Variants in TNK2 observed in about 807,000 individuals in gnomAD.
TNK2 encodes tyrosine kinase non receptor 2, also known as activated CDC42 kinase 1.
A neutral mutation model predicts 101.8 loss-of-function variants in TNK2; 83 were observed. The observed-to-expected ratio is 0.82, with a 90% CI of 0.68 to 0.98. The LOEUF is 0.98. TNK2 is among the 50% of genes least tolerant of loss of function. The pLI is 0.00. For synonymous variants in TNK2, 804 were observed against 633.0 expected, an observed-to-expected ratio of 1.27 and a Z score of -4.06; for missense variants, 1,665 against 1,483.2, an observed-to-expected ratio of 1.12 and a Z score of -2.01.
In TNK2 at chr3:195,877,006, G is replaced by A. The variant is rs143469229; in HGVS notation, c.1256+1247C>T. 1.3e-3 allele frequency among the ~76,000 whole-genome samples: 192 copies of A among 152,316 alleles called. 1 individual carries two copies. Among genetic ancestry groups the A allele is most frequent in the African/African-American group, 4.4e-3 (182 of 41,578 alleles). ...GGCCAGGCCCACGGCTTTCCAGCTC[G>A]TGGAGGTGGACACGGTCATGAGGCT... On this transcript the variant is annotated intron_variant, in intron 9 of 15. Coordinates refer to ENST00000672887, the MANE Select transcript of TNK2 (RefSeq NM_001382273.1).
chr3:195,867,645 C>T lies in TNK2; in HGVS notation c.2653G>A (p.Glu885Lys), dbSNP rs1156635783. The change falls in exon 13 of 16, where the codon GAG (glutamate) becomes AAG (lysine). Residue 885 changes from glutamate (E) to lysine (K), a missense_variant. Around this residue, in one of 3 missense-constraint regions of TNK2, gnomAD observed 1,136 missense variants for 894.9 expected, o/e 1.27. Coordinates refer to ENST00000672887, the MANE Select transcript of TNK2 (RefSeq NM_001382273.1). The part of the protein sequence containing the change: ...YLLPERPSYL[E>K]RYQRFLREAQ... ...TCACGCAGGAAGCGCTGGTAGCGCT[C>T]CAGGTAGGATGGTCGCTCGGGCAGC... The T allele has an allele frequency of 6.2e-7, 1 of 1,603,114 alleles. No homozygotes were observed. The highest frequency in any genetic ancestry group is 1.1e-5 in the South Asian group (1 of 91,006).
At position 195,887,140 on chromosome 3, in the gene TNK2, T is replaced by C. The variant is rs552827603; in HGVS notation, c.164-93A>G. 7 of 1,257,626 alleles carry C rather than the reference T, an allele frequency of 5.6e-6. No individual in the cohort carries two copies. The Admixed American group carries it at 1.3e-4, about 24-fold the overall frequency. The allele number at this position is 1,257,626 out of a possible 1,614,324, so 77.9% of individuals were successfully genotyped here. A position where few individuals can be genotyped will look rare whatever the true frequency, so the allele number is the denominator to read the frequency against. ...GTCCCCTTGGGGGTGAGCCTGTCAC[T>C]AGACACCGCCCACCCGATGATAGCA... is the stretch of plus-strand genomic sequence containing the variant. On this transcript the variant is annotated intron_variant, in intron 2 of 15. Transcript: ENST00000672887.
At position 195,885,902 on chromosome 3, in the gene TNK2, G is replaced by T. The variant is rs535669719; in HGVS notation, c.235-869C>A. The T allele has an allele frequency of 4.6e-5, 12 of 262,932 alleles. No individual in the cohort carries two copies. 16.3% of individuals were successfully genotyped at this position (262,932 alleles called of 1,614,324 possible). A position where few individuals can be genotyped will look rare whatever the true frequency, so the allele number is the denominator to read the frequency against. On this transcript the variant is annotated intron_variant, in intron 3 of 15. Coordinates refer to ENST00000672887, the MANE Select transcript of TNK2 (RefSeq NM_001382273.1). This position sits in a 1 kb window ranked among gnomAD's most constrained non-coding sequence, Gnocchi z 4.7. ...TGGATCCTTATCCGTCTGGGCTAGG[G>T]TGCCTCAAATCTGAGGGCCTCTTCT...
chr3:195,885,619 TGCTGGGAAGGG>T lies in TNK2; in HGVS notation c.235-597_235-587del. 1 of 1,285,152 alleles carries T rather than the reference TGCTGGGAAGGG, an allele frequency of 7.8e-7. No individual in the cohort carries two copies. 79.6% of individuals were successfully genotyped at this position (1,285,152 alleles called of 1,614,324 possible). A position where few individuals can be genotyped will look rare whatever the true frequency, so the allele number is the denominator to read the frequency against. On this transcript the variant is annotated intron_variant, in intron 3 of 15. Coordinates refer to ENST00000672887, the MANE Select transcript of TNK2 (RefSeq NM_001382273.1). This position sits in a 1 kb window ranked among gnomAD's most constrained non-coding sequence, Gnocchi z 4.7. ...GTGTGGTTCAGATGAAGCTAGTCCT[TGCTGGGAAGGG>T]GCCTGGGAAGACAGCTGGGTCTCTG...
At position 195,884,829 on chromosome 3, in the gene TNK2, C is replaced by T. The variant is rs138590895; in HGVS notation, c.439G>A (p.Ala147Thr). ...GAGCTCACCGTCTTCCCTGAGGGCG[C>T]GTCCCACTCGCCCCTGCGCACCACG... is the stretch of plus-strand genomic sequence containing the variant. ...FGVVRRGEWD[A>T]PSGKTVSVAV... Residue 147 changes from alanine to threonine, a missense_variant, in exon 4 of 16, where the codon GCG becomes ACG. Ala to Thr is a moderately conservative substitution (Grantham distance 58, BLOSUM62 0). Around this residue, in one of 3 missense-constraint regions of TNK2, gnomAD observed 490 missense variants for 522.5 expected, o/e 0.94. Transcript: ENST00000672887. The T allele has an allele frequency of 5.6e-5, 91 of 1,611,580 alleles. No individual in the cohort carries two copies. Among genetic ancestry groups the T allele is most frequent in the Non-Finnish European group, 7.4e-5 (87 of 1,179,696 alleles).
At chr3:195,894,493 G>A (rs574517817) in intron 1 of TNK2, 20 of 151,574 alleles carry the variant, frequency 1.3e-4, no homozygotes, top group African/African-American at 4.8e-4. Context: ...CCGGGTTCAA[G>A]TGATTCTCCT....
chr3:195,877,513 G>A (rs1415961044), intron 9 of TNK2, among the ~76,000 whole-genome samples: 1 of 152,164 alleles, frequency 6.6e-6, no homozygotes, highest in Admixed American at 6.5e-5. Flanking sequence ...CGAGCACAGG[G>A]GATTTCCTCC....
rs79719455 is a variant in TNK2, at chr3:195,900,135, T to C, written c.-19+8350A>G. Among the ~76,000 whole-genome samples the C allele has an allele frequency of 5.5e-3, 838 of 151,296 alleles. 6 individuals are homozygous for C. The highest frequency in any genetic ancestry group is 9.8e-3 in the Non-Finnish European group (665 of 67,758). On this transcript the variant is annotated intron_variant, in intron 1 of 15. Transcript: ENST00000672887. ...CCTCAGGCAGAGGGAGAGCCTGACA[T>C]TGGTCTTAAGGAAGGTGCCTTCTCA...
rs149552240 is a variant in TNK2, at chr3:195,900,093, G to A, written c.-19+8392C>T. On this transcript the variant is annotated intron_variant, in intron 1 of 15. Coordinates refer to ENST00000672887, the MANE Select transcript of TNK2 (RefSeq NM_001382273.1). Reference sequence around the variant, plus strand: ...GTCCCCCAAAGCCATCTCAGAACCAGAACAACTCAGCCAGTCCCTCAGGCA... The same window carrying A: ...GTCCCCCAAAGCCATCTCAGAACCAAAACAACTCAGCCAGTCCCTCAGGCA... 4.4e-3 allele frequency among the ~76,000 whole-genome samples: 670 copies of A among 152,256 alleles called. 2 individuals carry two copies. Among genetic ancestry groups the A allele is most frequent in the Non-Finnish European group, 7.3e-3 (496 of 68,004 alleles).
At position 195,867,701 on chromosome 3, in the gene TNK2, C is replaced by T; in HGVS notation, c.2597G>A (p.Gly866Asp). 1.2e-6 allele frequency: 2 copies of T among 1,607,892 alleles called. No individual in the cohort carries two copies. Among genetic ancestry groups the T allele is most frequent in the Non-Finnish European group, 1.7e-6 (2 of 1,178,368 alleles). Residue 866 changes from glycine to aspartate, a missense_variant, in exon 13 of 16, where the codon GGC becomes GAC. This residue lies in a region of TNK2 where 1,136 missense variants were observed against 894.9 expected (regional missense o/e 1.27). Coordinates refer to ENST00000672887, the MANE Select transcript of TNK2 (RefSeq NM_001382273.1). ...ATAGTGGGTGCTGCTGACCTTCTTG[C>T]CATCCCGGACGATGGGCAGGATGCA... is the stretch of plus-strand genomic sequence containing the variant. ...GPCILPIVRD[G>D]KKVSSTHYYL...
At position 195,882,285 on chromosome 3, in the gene TNK2, C is replaced by G. The variant is rs764003397; in HGVS notation, c.653G>C (p.Arg218Pro). Residue 218 changes from arginine (R) to proline (P), a missense_variant, in exon 6 of 16, where the codon CGT (arginine) becomes CCT (proline). Arg to Pro is a moderately radical substitution (Grantham distance 103). Around this residue, in one of 3 missense-constraint regions of TNK2, gnomAD observed 490 missense variants for 522.5 expected, o/e 0.94. Coordinates refer to ENST00000672887, the MANE Select transcript of TNK2 (RefSeq NM_001382273.1). The surrounding 1 kb of genome is among the most constrained non-coding windows in gnomAD (Gnocchi z 4.2). Reference protein sequence around the residue: ...APLGSLLDRLRKHQGHFLLGT... With the variant: ...APLGSLLDRLPKHQGHFLLGT... ...CAGGAGGAAGTGGCCCTGGTGCTTA[C>G]GTAGCCGGTCCAACAACGATCCCAG... 3.1e-6 allele frequency: 5 copies of G among 1,613,456 alleles called. No homozygotes were observed. The highest frequency in any genetic ancestry group is 2.2e-5 in the East Asian group (1 of 44,874).
chr3:195,873,479 C>T (rs1254383428), intron 9 of TNK2, among the ~76,000 whole-genome samples: 2 of 150,516 alleles, frequency 1.3e-5, no homozygotes, highest in Admixed American at 6.6e-5. Flanking sequence ...GTGAGAGCCC[C>T]GTGGGCAGTG....
At chr3:195,903,692 G>A (rs894539501) in intron 1 of TNK2, among the ~76,000 whole-genome samples, 2 of 152,090 alleles carry the variant, frequency 1.3e-5, no homozygotes, top group African/African-American at 2.4e-5. Context: ...ACTCCAGCCT[G>A]GGCGACAAGC....
chr3:195,871,196 C>CG (rs1486056683), intron 10 of TNK2, among the ~76,000 whole-genome samples: 5 of 128,762 alleles, frequency 3.9e-5, no homozygotes, highest in Admixed American at 2.6e-4. Context: ...CAAGAAGCTT[C>CG]GGGGGGTGGG....
chr3:195,871,959 A>T (rs546215700), intron 10 of TNK2, among the ~76,000 whole-genome samples: 7 of 123,606 alleles, frequency 5.7e-5, no homozygotes, highest in Non-Finnish European at 1.2e-4. Context: ...TCCCCTGGAG[A>T]ACCCTCCCCT....
In TNK2 at chr3:195,878,444, A is replaced by G. The variant is rs766006894; in HGVS notation, c.1161+2T>C. ...GCTCTCCTGGGCTGACCTGTCCCTC[A>G]CCTCCAGCAGGAAGTCCCGCAGGGC... is the stretch of plus-strand genomic sequence containing the variant. On this transcript the variant is annotated splice_donor_variant, in intron 8 of 15. Transcript: ENST00000672887. LOFTEE classifies it high-confidence loss of function. This position sits in a 1 kb window ranked among gnomAD's most constrained non-coding sequence, Gnocchi z 4.7. The G allele has an allele frequency of 6.2e-7, 1 of 1,613,402 alleles. No homozygotes were observed. Among genetic ancestry groups the G allele is most frequent in the Admixed American group, 1.7e-5 (1 of 59,972 alleles).
chr3:195,866,578 G>A (rs1268799233), intron 15 of TNK2, among the ~76,000 whole-genome samples: 2 of 152,176 alleles, frequency 1.3e-5, no homozygotes, highest in Non-Finnish European at 2.9e-5. Flanking sequence ...CAAATCATGG[G>A]GTCCTAAAAA....
At chr3:195,903,001 C>T (rs1440918495) in intron 1 of TNK2, among the ~76,000 whole-genome samples, 5 of 146,990 alleles carry the variant, frequency 3.4e-5, no homozygotes, top group South Asian at 2.1e-4. Context: ...CCACCCACCT[C>T]GGCCTCCCAA....
rs1163525269 is a variant in TNK2, at chr3:195,886,867, A to T, written c.234+110T>A. Reference sequence around the variant, plus strand: ...GGGTCCTGTACAAAGTGCCGGCAGAACGGCGAGATTCGACCTGCCGGGGAG... The same window carrying T: ...GGGTCCTGTACAAAGTGCCGGCAGATCGGCGAGATTCGACCTGCCGGGGAG... On this transcript the variant is annotated intron_variant, in intron 3 of 15. Transcript: ENST00000672887. This position sits in a 1 kb window ranked among gnomAD's most constrained non-coding sequence, Gnocchi z 4.2. 1 of 1,214,042 alleles carries T rather than the reference A, an allele frequency of 8.2e-7. No individual in the cohort carries two copies. The highest frequency in any genetic ancestry group is 1.2e-6 in the Non-Finnish European group (1 of 817,898). The allele number at this position is 1,214,042 out of a possible 1,614,324, so 75.2% of individuals were successfully genotyped here. A position where few individuals can be genotyped will look rare whatever the true frequency, so the allele number is the denominator to read the frequency against.
Sources: allele counts gnomAD v4.1 joint callset (sites outside exome capture counted in the v4.1 genomes callset), GRCh38; gene constraint gnomAD v4.1.1; regional missense constraint gnomAD v4.1.1; non-coding constraint Gnocchi (gnomAD v3.1); transcripts MANE v1.5; gene names NCBI Gene and HGNC (gene_info 2026-07-23, HGNC 2026-07-21).